Variants in FAM13A observed in about 807,000 individuals in gnomAD.
FAM13A encodes the protein family with sequence similarity 13 member A, also known as protein FAM13A.
A neutral mutation model predicts 129.6 loss-of-function variants in FAM13A; 76 were observed. That is an observed-to-expected ratio of 0.59 (90% CI 0.49 to 0.71). The LOEUF (loss-of-function observed/expected upper bound fraction) is 0.71. FAM13A is among the 30% of genes least tolerant of loss of function. The pLI, the probability that FAM13A is intolerant of heterozygous loss-of-function variation, is 0.00. For synonymous variants in FAM13A, 443 were observed against 449.9 expected (o/e 0.98, Z 0.20); for missense variants, 1,108 against 1,249.3 (o/e 0.89, Z 1.70).
At chr4:88,823,125 G>T in intron 7 of FAM13A, 1 of 1,516,922 alleles carries the variant, frequency 6.6e-7, no homozygotes, top group East Asian at 2.4e-5. Context: ...AGGCTGCACC[G>T]CACGGCTGGA....
In FAM13A at chr4:89,020,266, T is replaced by TGG. The variant is rs1344500984; in HGVS notation, c.427+193_427+194insCC. Among the ~76,000 whole-genome samples, 203 of 145,052 alleles carry TGG rather than the reference T, an allele frequency of 1.4e-3. 2 individuals carry two copies. Among genetic ancestry groups the TGG allele is most frequent in the African/African-American group, 5.0e-3 (196 of 39,378 alleles). On this transcript the variant is annotated intron_variant, in intron 3 of 23. Transcript: ENST00000264344. ...ATGTTTACTAAAAATAAAACTGGTT[T>TGG]TTTTTTTTCTGCCCTTTTTTTTTTT... is the stretch of plus-strand genomic sequence containing the variant.
intron 7 of FAM13A, among the ~76,000 whole-genome samples, chr4:88,829,321 C>T (rs1410385483): frequency 6.6e-6 from 1 of 152,176 alleles, no homozygotes; most frequent in Non-Finnish European, 1.5e-5. Flanking sequence ...TGCCTGTGAT[C>T]TCAGCTTCTT....
In FAM13A at chr4:88,939,228, G is replaced by C. The variant is rs558034054; in HGVS notation, c.606-987C>G. ...GCTATACTCCCTGTGAAAGCTCTAGGGGAGAAGCTGTTCCTTGCCTCCCCT... is the reference window on the plus strand; with the variant it reads ...GCTATACTCCCTGTGAAAGCTCTAGCGGAGAAGCTGTTCCTTGCCTCCCCT... On this transcript the variant is annotated intron_variant, in intron 4 of 23. Transcript: ENST00000264344. 5.9e-5 allele frequency among the ~76,000 whole-genome samples: 9 copies of C among 152,084 alleles called. No homozygotes were observed. In the South Asian group the frequency reaches 1.9e-3, roughly 32 times the overall value.
In FAM13A at chr4:88,790,640, A is replaced by G; in HGVS notation, c.1050-13T>C. ...GGGTACATGAGCACTGCAGAAAAGAAGCAAAGAGAAAGTCAGGTTAGATGA... is the reference window on the plus strand; with the variant it reads ...GGGTACATGAGCACTGCAGAAAAGAGGCAAAGAGAAAGTCAGGTTAGATGA... On this transcript the variant is annotated splice_polypyrimidine_tract_variant and intron_variant, in intron 8 of 23. Coordinates refer to ENST00000264344, the MANE Select transcript of FAM13A (RefSeq NM_014883.4). 6.2e-7 allele frequency: 1 copy of G among 1,610,142 alleles called. No individual in the cohort carries two copies. Among genetic ancestry groups the G allele is most frequent in the East Asian group, 2.2e-5 (1 of 44,846 alleles).
intron 22 of FAM13A, 115 bp downstream of exon 22, chr4:88,731,887 C>T: frequency 2.4e-6 from 2 of 822,220 alleles, no homozygotes; most frequent in Non-Finnish European, 3.7e-6. Flanking sequence ...CCAGATACAC[C>T]CCAGGTAGTC....
At chr4:88,797,763 C>G (rs372734440) in intron 8 of FAM13A, among the ~76,000 whole-genome samples, 72 of 152,112 alleles carry the variant, frequency 4.7e-4, no homozygotes, top group Admixed American at 1.8e-3. Flanking sequence ...GTATCCCCAG[C>G]CTTTCAATTC....
chr4:88,816,750 A>T (rs1730811700), intron 7 of FAM13A, among the ~76,000 whole-genome samples: 1 of 152,190 alleles, frequency 6.6e-6, no homozygotes, highest in Non-Finnish European at 1.5e-5. Flanking sequence ...TTCTTTAGAC[A>T]TGTGTGTAGA....
chr4:88,896,008 T>G (rs1170495898), intron 6 of FAM13A, among the ~76,000 whole-genome samples: 3 of 146,848 alleles, frequency 2.0e-5, no homozygotes, highest in Non-Finnish European at 4.5e-5. Context: ...TAGCAAAGAC[T>G]TGGAACCAAC....
intron 4 of FAM13A, among the ~76,000 whole-genome samples, chr4:88,939,898 C>T (rs1211740094): frequency 6.6e-6 from 1 of 152,254 alleles, no homozygotes; most frequent in African/African-American, 2.4e-5. Context: ...CTGCCAACAA[C>T]TTGAATGAGC....
intron 10 of FAM13A, among the ~76,000 whole-genome samples, chr4:88,787,146 T>C (rs1724135497): frequency 1.3e-5 from 2 of 152,172 alleles, no homozygotes; most frequent in Non-Finnish European, 2.9e-5. Flanking sequence ...TATTAAATCT[T>C]TTCATGGAGA....
intron 6 of FAM13A, among the ~76,000 whole-genome samples, chr4:88,867,604 T>C (rs1351274366): frequency 2.6e-5 from 4 of 152,246 alleles, no homozygotes; most frequent in Non-Finnish European, 5.9e-5. Context: ...TTTGAGCGCG[T>C]AGGCAAATTC....
At chr4:88,808,447 C>T (rs993966097) in intron 7 of FAM13A, among the ~76,000 whole-genome samples, 1 of 152,050 alleles carries the variant, frequency 6.6e-6, no homozygotes, top group East Asian at 1.9e-4. Context: ...ATCATTTACA[C>T]CTATTTCTGT....
At chr4:88,931,493 C>T (rs1579339488) in intron 5 of FAM13A, among the ~76,000 whole-genome samples, 1 of 152,244 alleles carries the variant, frequency 6.6e-6, no homozygotes, top group East Asian at 1.9e-4. Context: ...CTCAAACCCT[C>T]TCCTTACTTA....
At chr4:88,857,463 A>G (rs1337733168) in intron 6 of FAM13A, among the ~76,000 whole-genome samples, 2 of 151,946 alleles carry the variant, frequency 1.3e-5, no homozygotes, top group Non-Finnish European at 2.9e-5. Flanking sequence ...CCCTGTCAGT[A>G]CTAAAAATAA....
At chr4:88,978,685 T>G (rs1761240847) in intron 4 of FAM13A, among the ~76,000 whole-genome samples, 1 of 151,722 alleles carries the variant, frequency 6.6e-6, no homozygotes, top group African/African-American at 2.4e-5. Flanking sequence ...TCCCAGCTGC[T>G]GGGGAGGCTG....
chr4:88,881,752 A>C (rs1444328227), intron 6 of FAM13A, among the ~76,000 whole-genome samples: 1 of 152,158 alleles, frequency 6.6e-6, no homozygotes, highest in African/African-American at 2.4e-5. Context: ...GAAGGGAAAA[A>C]TCTTCAGTGA....
intron 6 of FAM13A, among the ~76,000 whole-genome samples, chr4:88,893,383 G>A (rs572161925): frequency 1.3e-5 from 2 of 152,310 alleles, no homozygotes; most frequent in African/African-American, 4.8e-5. Flanking sequence ...CCAGCACTTT[G>A]GGAGGCCAAG....
chr4:89,006,523 T>C (rs1443879460), intron 3 of FAM13A, among the ~76,000 whole-genome samples: 4 of 152,200 alleles, frequency 2.6e-5, no homozygotes, highest in Non-Finnish European at 5.9e-5. Context: ...AAGCAGGTGC[T>C]GGGGCCAGAG....
intron 4 of FAM13A, among the ~76,000 whole-genome samples, chr4:88,987,144 T>C (rs1230605772): frequency 6.6e-6 from 1 of 152,124 alleles, no homozygotes; most frequent in African/African-American, 2.4e-5. Flanking sequence ...TTTGGGATAA[T>C]TTGAGCACAG....
Sources: gnomAD v4.1 joint callset for allele counts (sites outside exome capture counted in the v4.1 genomes callset) on GRCh38, gnomAD v4.1.1 for gene constraint, MANE v1.5 for transcripts, NCBI Gene and HGNC (gene_info 2026-07-23, HGNC 2026-07-21) for gene names.